The following CELF2 variants were observed in gnomAD, a reference collection of about 807,000 sequenced individuals.
CELF2 encodes the protein CUG triplet repeat RNA-binding protein 2.
CELF2 carries 8 observed loss-of-function variants against 62.6 expected under a neutral mutation model. That is an observed-to-expected ratio of 0.13 (90% CI 0.07 to 0.23). The LOEUF (loss-of-function observed/expected upper bound fraction) is 0.23. CELF2 is among the 10% of genes least tolerant of loss of function. The probability of loss-of-function intolerance (pLI) is 1.00; values close to 1 mark genes in which losing one functional copy is unlikely to be tolerated. For synonymous variants in CELF2, 258 were observed against 250.0 expected (o/e 1.03, Z -0.30); for missense variants, 333 against 671.0 (o/e 0.50, Z 5.56).
intron 2 of CELF2, among the ~76,000 whole-genome samples, chr10:10,978,193 A>G (rs1214091668): frequency 6.6e-6 from 1 of 152,188 alleles, no homozygotes; most frequent in Non-Finnish European, 1.5e-5. Flanking sequence ...CTGCTCTTCT[A>G]GACTTCCCAA....
At position 11,211,809 on chromosome 10, in the gene CELF2, AGAGAGTGT is replaced by A. The variant is rs761657602; in HGVS notation, c.272-5614_272-5607del. ...ATGTGTGTGAGAGAGAGAGAGAGAG[AGAGAGTGT>A]GTGTGTGTGTGTGTGTGTGTGTGTG... On this transcript the variant is annotated intron_variant, in intron 2 of 12. Coordinates refer to ENST00000633077, the MANE Select transcript of CELF2 (RefSeq NM_001326342.2). This position sits in a 1 kb window ranked among gnomAD's most constrained non-coding sequence, Gnocchi z 4.8. Among the ~76,000 whole-genome samples, 6,650 of 129,414 alleles carry A rather than the reference AGAGAGTGT, an allele frequency of 0.051. 144 individuals carry two copies. The highest frequency in any genetic ancestry group is 0.07 in the Middle Eastern group (17 of 244). The allele number at this position is 129,414 out of a possible 152,430, so 84.9% of individuals were successfully genotyped here.
the CELF2 span, among the ~76,000 whole-genome samples, chr10:10,697,186 A>C: frequency 6.6e-6 from 1 of 152,184 alleles, no homozygotes; most frequent in Admixed American, 6.5e-5. Context: ...GTTGAGCATA[A>C]AGCCTGAATA....
At chr10:10,855,768 C>T (rs2059668987) in intron 1 of CELF2, among the ~76,000 whole-genome samples, 1 of 152,088 alleles carries the variant, frequency 6.6e-6, no homozygotes, top group Non-Finnish European at 1.5e-5. Flanking sequence ...AGCATTAATT[C>T]CAACATAAAT....
In CELF2 at chr10:11,187,761, C is replaced by T. The variant is rs188851852; in HGVS notation, c.271+22079C>T. On this transcript the variant is annotated intron_variant, in intron 2 of 12. Coordinates refer to ENST00000633077, the MANE Select transcript of CELF2 (RefSeq NM_001326342.2). ...ATAGCATGAGAATCTACTTCCATTTCTCCCTTCGCAGACTTTATGCTGTTG... is the reference window on the plus strand; with the variant it reads ...ATAGCATGAGAATCTACTTCCATTTTTCCCTTCGCAGACTTTATGCTGTTG... Among the ~76,000 whole-genome samples, 77 of 149,978 alleles carry T rather than the reference C, an allele frequency of 5.1e-4. 1 individual carries two copies. The highest frequency in any genetic ancestry group is 1.9e-3 in the African/African-American group (75 of 40,314).
the CELF2 span, among the ~76,000 whole-genome samples, chr10:10,691,549 T>C: frequency 1.3e-5 from 2 of 151,992 alleles, no homozygotes; most frequent in Non-Finnish European, 2.9e-5. Flanking sequence ...GGTCAAATGG[T>C]ATTTTACTTC....
intron 7 of CELF2, among the ~76,000 whole-genome samples, chr10:11,273,688 G>T (rs1315358964): frequency 6.6e-6 from 1 of 151,948 alleles, no homozygotes; most frequent in Non-Finnish European, 1.5e-5. Context: ...ATTGTTTCAC[G>T]AGCCCCAAAT....
intron 3 of CELF2, among the ~76,000 whole-genome samples, chr10:11,248,331 C>T (rs72775833): frequency 0.23 from 34,927 of 151,964 alleles, 4,934 homozygotes; most frequent in Non-Finnish European, 0.32. Context: ...CCCCCGGGTC[C>T]ACTGTAGCTC....
chr10:10,688,081 C>T, the CELF2 span, among the ~76,000 whole-genome samples: 2 of 152,188 alleles, frequency 1.3e-5, no homozygotes, highest in South Asian at 4.1e-4. Context: ...AACAATTCCC[C>T]GAGTTACAAG....
Position 11,309,215 on chromosome 10 carries a change from T to C in CELF2, c.977-4924T>C, listed in dbSNP as rs1345763037. ...CCTTGCATATATCATAGCTTTCTATTAACAACAGGACATTGTAGATGTTAC... is the reference window on the plus strand; with the variant it reads ...CCTTGCATATATCATAGCTTTCTATCAACAACAGGACATTGTAGATGTTAC... On this transcript the variant is annotated intron_variant, in intron 9 of 12. Transcript: ENST00000633077. This position sits in a 1 kb window ranked among gnomAD's most constrained non-coding sequence, Gnocchi z 5.6. 1.3e-5 allele frequency among the ~76,000 whole-genome samples: 2 copies of C among 152,258 alleles called. No homozygotes were observed. The highest frequency in any genetic ancestry group is 2.9e-5 in the Non-Finnish European group (2 of 68,048).
chr10:10,653,984 G>T, the CELF2 span, among the ~76,000 whole-genome samples: 23,878 of 150,402 alleles, frequency 0.16, 2,021 homozygotes, highest in South Asian at 0.23. Flanking sequence ...GACTAATAAA[G>T]AAAAAAAGAG....
chr10:10,791,554 T>C, the CELF2 span, among the ~76,000 whole-genome samples: 215 of 152,338 alleles, frequency 1.4e-3, no homozygotes, highest in African/African-American at 5.0e-3. Context: ...TTTACTAGAA[T>C]AGTTTAGTGT....
At chr10:11,112,526 G>A (rs769279856) in intron 1 of CELF2, among the ~76,000 whole-genome samples, 2 of 152,346 alleles carry the variant, frequency 1.3e-5, no homozygotes, top group East Asian at 1.9e-4. Flanking sequence ...GGCCAGGCTC[G>A]GAGTGGTGCT....
the CELF2 span, among the ~76,000 whole-genome samples, chr10:10,561,159 T>A: frequency 5.3e-5 from 8 of 152,104 alleles, no homozygotes; most frequent in African/African-American, 1.9e-4. Context: ...CAATAACTTA[T>A]GGAAAAATAA....
chr10:11,081,814 T>C (rs763096590), intron 1 of CELF2, among the ~76,000 whole-genome samples: 3 of 152,208 alleles, frequency 2.0e-5, no homozygotes, highest in Non-Finnish European at 4.4e-5. Flanking sequence ...TTCTTTACCT[T>C]AAGAAAGAAA....
At chr10:11,032,440 T>C (rs2060283478) in intron 1 of CELF2, among the ~76,000 whole-genome samples, 1 of 152,084 alleles carries the variant, frequency 6.6e-6, no homozygotes, top group Admixed American at 6.5e-5. Context: ...CCTAAAAAAA[T>C]AAAAATAAGA....
At chr10:10,728,903 T>G in the CELF2 span, among the ~76,000 whole-genome samples, 3 of 152,206 alleles carry the variant, frequency 2.0e-5, no homozygotes, top group Admixed American at 2.0e-4. Context: ...GGGAAAAGAA[T>G]TGATTGCCTT....
At chr10:11,058,329 A>C (rs1382233701) in intron 1 of CELF2, among the ~76,000 whole-genome samples, 1 of 152,134 alleles carries the variant, frequency 6.6e-6, no homozygotes, top group East Asian at 1.9e-4. Flanking sequence ...AAGGAGTTAC[A>C]CTATATTTGC....
the CELF2 span, among the ~76,000 whole-genome samples, chr10:10,734,741 T>C: frequency 6.6e-6 from 1 of 152,210 alleles, no homozygotes; most frequent in Non-Finnish European, 1.5e-5. Flanking sequence ...TACTTCACTT[T>C]AAATTTTTTT....
At chr10:10,575,827 G>A in the CELF2 span, among the ~76,000 whole-genome samples, 4,807 of 152,266 alleles carry the variant, frequency 0.032, 153 homozygotes, top group East Asian at 0.1. Context: ...CATGTTCAGA[G>A]TGTTGGACAC....
Sources: allele counts gnomAD v4.1 joint callset (sites outside exome capture counted in the v4.1 genomes callset), GRCh38; gene constraint gnomAD v4.1.1; non-coding constraint Gnocchi (gnomAD v3.1); transcripts MANE v1.5; gene names NCBI Gene and HGNC (gene_info 2026-07-23, HGNC 2026-07-21).